Variants in TRPC7 observed in about 807,000 individuals in gnomAD.
TRPC7 encodes short transient receptor potential channel 7.
Under a neutral mutation model 90.1 loss-of-function variants are expected in TRPC7, and 42 were observed. That is an observed-to-expected ratio of 0.47 (90% CI 0.36 to 0.60). TRPC7 has a LOEUF of 0.60. TRPC7 is among the 20% of genes least tolerant of loss of function. TRPC7 has a pLI of 0.00. For missense variants in TRPC7, 955 were observed against 1,112.3 expected (o/e 0.86, Z 2.01); for synonymous variants, 451 against 436.3 (o/e 1.03, Z -0.42).
chr5:136,264,967 C>T (rs191825053), intron 5 of TRPC7, among the ~76,000 whole-genome samples: 273 of 152,274 alleles, frequency 1.8e-3, no homozygotes, highest in African/African-American at 4.9e-3. Flanking sequence ...AACCATTCAT[C>T]TCATCTTCCT....
chr5:136,314,865 A>G (rs893649781), intron 3 of TRPC7, among the ~76,000 whole-genome samples: 2 of 152,248 alleles, frequency 1.3e-5, no homozygotes, highest in Admixed American at 1.3e-4. Flanking sequence ...TTTAATTTTC[A>G]TCAGGATGAG....
At chr5:136,320,826 A>G (rs1759174468) in intron 2 of TRPC7, among the ~76,000 whole-genome samples, 1 of 152,052 alleles carries the variant, frequency 6.6e-6, no homozygotes, top group African/African-American at 2.4e-5. Flanking sequence ...GCCTTCTCTG[A>G]CTATCTTTTT....
intron 4 of TRPC7, among the ~76,000 whole-genome samples, chr5:136,270,772 C>A (rs1002821944): frequency 5.9e-5 from 9 of 152,168 alleles, no homozygotes; most frequent in Admixed American, 1.3e-4. Flanking sequence ...TGAAAGTGAT[C>A]AGCTTCCGGC....
At chr5:136,216,423 C>T (rs1237459582) in intron 10 of TRPC7, 148 bp from the exon 11 acceptor site, 7 of 662,376 alleles carry the variant, frequency 1.1e-5, no homozygotes, top group African/African-American at 1.8e-5. Context: ...GGAGGGGTGC[C>T]CTGCACAGTG....
intron 3 of TRPC7, among the ~76,000 whole-genome samples, chr5:136,312,123 A>G (rs1230638562): frequency 6.6e-6 from 1 of 152,184 alleles, no homozygotes; most frequent in East Asian, 1.9e-4. Context: ...CCTCTCAGCT[A>G]CATCTCCAAT....
intron 2 of TRPC7, among the ~76,000 whole-genome samples, chr5:136,326,662 G>T (rs550521222): frequency 4.3e-4 from 65 of 152,156 alleles, no homozygotes; most frequent in Non-Finnish European, 8.2e-4. Flanking sequence ...TTAGAATGAG[G>T]TCAGTTAATG....
intron 1 of TRPC7, among the ~76,000 whole-genome samples, chr5:136,364,910 C>A (rs1307070236): frequency 6.6e-6 from 1 of 152,104 alleles, no homozygotes; most frequent in African/African-American, 2.4e-5. Context: ...AATACAACCA[C>A]ATAAATACAT....
At chr5:136,349,834 G>C (rs1055175257) in intron 2 of TRPC7, among the ~76,000 whole-genome samples, 8 of 152,194 alleles carry the variant, frequency 5.3e-5, no homozygotes, top group Admixed American at 6.5e-5. Flanking sequence ...TTTCACTCCA[G>C]AATGGACTGC....
intron 3 of TRPC7, among the ~76,000 whole-genome samples, chr5:136,309,717 T>G (rs1257469215): frequency 6.6e-6 from 1 of 152,208 alleles, no homozygotes; most frequent in Non-Finnish European, 1.5e-5. Context: ...GGTTCTTCTA[T>G]CAGCCGGGAT....
chr5:136,287,075 C>T (rs150916007), intron 3 of TRPC7, among the ~76,000 whole-genome samples: 13 of 152,272 alleles, frequency 8.5e-5, no homozygotes, highest in Admixed American at 4.6e-4. Flanking sequence ...TGCCGCCTAC[C>T]GCTCCCTAAG....
At chr5:136,361,682 AG>A (rs1156270378) in intron 1 of TRPC7, among the ~76,000 whole-genome samples, 1 of 152,194 alleles carries the variant, frequency 6.6e-6, no homozygotes, top group African/African-American at 2.4e-5. Flanking sequence ...AAATTATCCA[AG>A]CTTAAAATCA....
At chr5:136,267,757 T>C (rs1349958896) in intron 4 of TRPC7, among the ~76,000 whole-genome samples, 1 of 152,242 alleles carries the variant, frequency 6.6e-6, no homozygotes, top group Admixed American at 6.5e-5. Context: ...TTATCTTTTT[T>C]AAAAATCTAG....
chr5:136,345,393 T>TAAAAATAC (rs1243293110), intron 2 of TRPC7, among the ~76,000 whole-genome samples: 2 of 151,976 alleles, frequency 1.3e-5, no homozygotes, highest in Non-Finnish European at 2.9e-5. Flanking sequence ...CCGTCTCTAC[T>TAAAAATAC]AAAAATACAA....
At chr5:136,361,768 A>T (rs1444539358) in intron 1 of TRPC7, among the ~76,000 whole-genome samples, 1 of 152,100 alleles carries the variant, frequency 6.6e-6, no homozygotes, top group African/African-American at 2.4e-5. Flanking sequence ...ACCCAGGAAA[A>T]CTCAGCTTTG....
chr5:136,346,781 G>C (rs188628054), intron 2 of TRPC7, among the ~76,000 whole-genome samples: 10 of 152,222 alleles, frequency 6.6e-5, no homozygotes, highest in African/African-American at 2.4e-4. Flanking sequence ...CCTGGTCTCA[G>C]CCTTCACCAG....
At position 136,365,348 on chromosome 5, in the gene TRPC7, G is replaced by A. The variant is rs898136226; in HGVS notation, c.-94C>T. The A allele has an allele frequency of 1.5e-6, 2 of 1,290,356 alleles. No homozygotes were observed. Among genetic ancestry groups the A allele is most frequent in the Admixed American group, 2.0e-5 (1 of 50,388 alleles). The allele number at this position is 1,290,356 out of a possible 1,614,324, so 79.9% of individuals were successfully genotyped here. A position where few individuals can be genotyped will look rare whatever the true frequency, so the allele number is the denominator to read the frequency against. On this transcript the variant is annotated 5_prime_UTR_variant, in exon 1 of 12. Coordinates refer to ENST00000513104, the MANE Select transcript of TRPC7 (RefSeq NM_020389.3). ...TGGCTCCCCATGGGTGGTAGCCAAG[G>A]ATGTACCGCTCTCCGTGGTGCTGAA...
chr5:136,316,833 C>T (rs1478079566), intron 2 of TRPC7, among the ~76,000 whole-genome samples: 1 of 152,204 alleles, frequency 6.6e-6, no homozygotes, highest in Non-Finnish European at 1.5e-5. Flanking sequence ...CCAAATGTCA[C>T]TTTCAATGTT....
intron 1 of TRPC7, among the ~76,000 whole-genome samples, chr5:136,360,236 C>T (rs1167112655): frequency 6.6e-6 from 1 of 152,120 alleles, no homozygotes; most frequent in Admixed American, 6.6e-5. Flanking sequence ...GACACTGCAG[C>T]CTACAAACTT....
At chr5:136,319,839 T>G (rs1114708) in intron 2 of TRPC7, among the ~76,000 whole-genome samples, 4 of 152,064 alleles carry the variant, frequency 2.6e-5, no homozygotes, top group African/African-American at 9.7e-5. Flanking sequence ...ACTTTTTGCA[T>G]TCTTTGTTAA....
Sources: gnomAD v4.1 joint callset for allele counts (sites outside exome capture counted in the v4.1 genomes callset) on GRCh38, gnomAD v4.1.1 for gene constraint, MANE v1.5 for transcripts, NCBI Gene and HGNC (gene_info 2026-07-23, HGNC 2026-07-21) for gene names.